DENND1A: variants seen among roughly 807,000 people sequenced by gnomAD.
The protein encoded by DENND1A is DENN domain-containing protein 1A.
Under a neutral mutation model 113.7 loss-of-function variants are expected in DENND1A, and 51 were observed. The ratio of observed to expected loss-of-function variants is 0.45; its 90% CI spans 0.36 to 0.57. DENND1A has a LOEUF of 0.57. Ranked by LOEUF, DENND1A falls within the 20% of genes least tolerant of loss-of-function variation. DENND1A has a pLI of 0.00. For synonymous variants in DENND1A, 565 were observed against 570.8 expected (o/e 0.99, Z 0.14); for missense variants, 1,258 against 1,395.9 (o/e 0.90, Z 1.57).
chr9:123,657,126 A>C (rs181845358), intron 8 of DENND1A, among the ~76,000 whole-genome samples: 1 of 152,334 alleles, frequency 6.6e-6, no homozygotes, highest in Admixed American at 6.5e-5. Flanking sequence ...AGAAGCCTGC[A>C]ACGCACAAGC....
At chr9:123,420,157 A>G (rs1463561721) in intron 19 of DENND1A, among the ~76,000 whole-genome samples, 1 of 152,234 alleles carries the variant, frequency 6.6e-6, no homozygotes, top group Non-Finnish European at 1.5e-5. Flanking sequence ...ACAGGGCAAC[A>G]AGGACCTGTT....
intron 11 of DENND1A, among the ~76,000 whole-genome samples, chr9:123,586,667 G>GA (rs2059179245): frequency 6.6e-6 from 1 of 152,200 alleles, no homozygotes; most frequent in Non-Finnish European, 1.5e-5. Context: ...CCCAAGGAAA[G>GA]AATTGGAGCC....
At chr9:123,487,442 C>T (rs544187619) in intron 13 of DENND1A, among the ~76,000 whole-genome samples, 6 of 152,244 alleles carry the variant, frequency 3.9e-5, no homozygotes, top group South Asian at 4.2e-4. Flanking sequence ...CTTTTAGTTA[C>T]GAGCCAAGGT....
intron 8 of DENND1A, among the ~76,000 whole-genome samples, chr9:123,661,786 TTAATA>T (rs906588003): frequency 2.0e-5 from 3 of 152,242 alleles, no homozygotes; most frequent in African/African-American, 7.2e-5. Context: ...AGTGAAAATA[TTAATA>T]TAATGGCAGA....
intron 2 of DENND1A, among the ~76,000 whole-genome samples, chr9:123,802,275 T>C (rs1218141381): frequency 1.3e-5 from 2 of 152,074 alleles, no homozygotes; most frequent in Non-Finnish European, 2.9e-5. Flanking sequence ...GGCCTGGAGG[T>C]GGGATAGATG....
At chr9:123,472,461 T>G (rs1011124075) in intron 13 of DENND1A, among the ~76,000 whole-genome samples, 3 of 152,166 alleles carry the variant, frequency 2.0e-5, no homozygotes, top group Non-Finnish European at 4.4e-5. Context: ...TGGGGGCATC[T>G]TTCTTGAGAG....
chr9:123,728,105 C>CAAAA (rs1184658717), intron 5 of DENND1A, among the ~76,000 whole-genome samples: 11 of 132,854 alleles, frequency 8.3e-5, no homozygotes, highest in African/African-American at 2.9e-4. Flanking sequence ...GACTCTGTCT[C>CAAAA]AAAAAAAAAA....
At chr9:123,445,744 G>A (rs769726206) in intron 18 of DENND1A, among the ~76,000 whole-genome samples, 8 of 152,206 alleles carry the variant, frequency 5.3e-5, no homozygotes, top group Non-Finnish European at 1.0e-4. Flanking sequence ...ATGGGTGCCT[G>A]TAATCCCAGC....
intron 13 of DENND1A, among the ~76,000 whole-genome samples, chr9:123,479,774 G>A (rs759646341): frequency 6.6e-6 from 1 of 152,224 alleles, no homozygotes. Flanking sequence ...CCCCTACAAG[G>A]ATCAAACGAA....
At chr9:123,552,562 C>CCAGG (rs1443235494) in intron 13 of DENND1A, among the ~76,000 whole-genome samples, 4 of 152,240 alleles carry the variant, frequency 2.6e-5, no homozygotes, top group Non-Finnish European at 4.4e-5. Context: ...GGGCAGTACC[C>CCAGG]CAGGACCCTG....
intron 13 of DENND1A, among the ~76,000 whole-genome samples, chr9:123,497,293 C>G (rs745378948): frequency 1.3e-5 from 2 of 152,182 alleles, no homozygotes; most frequent in Admixed American, 1.3e-4. Context: ...TGACAGAGCA[C>G]GAACAATTGT....
intron 19 of DENND1A, among the ~76,000 whole-genome samples, chr9:123,419,759 T>C (rs1400570660): frequency 6.6e-6 from 1 of 152,198 alleles, no homozygotes; most frequent in South Asian, 2.1e-4. Flanking sequence ...TTTTGTGGAG[T>C]GTCTCCTTTG....
Position 123,422,037 on chromosome 9 carries a change from C to T in DENND1A, c.1489-10208G>A, listed in dbSNP as rs1299686955. ...ATCCCTCACGACTCTGTTCCCTTCC[C>T]CCAGAAGTTCTCTCTCTATTCCTGG... On this transcript the variant is annotated intron_variant, in intron 19 of 23. Coordinates refer to ENST00000394215, the MANE Select transcript of DENND1A (RefSeq NM_001352964.2). The surrounding 1 kb of genome is among the most constrained non-coding windows in gnomAD (Gnocchi z 4.8). Among the ~76,000 whole-genome samples, 2 of 152,192 alleles carry T rather than the reference C, an allele frequency of 1.3e-5. No homozygotes were observed. Among genetic ancestry groups the T allele is most frequent in the Non-Finnish European group, 2.9e-5 (2 of 68,028 alleles).
chr9:123,705,821 T>C (rs1249131095), intron 5 of DENND1A, among the ~76,000 whole-genome samples: 3 of 152,174 alleles, frequency 2.0e-5, no homozygotes, highest in East Asian at 1.9e-4. Flanking sequence ...AAAATTTACA[T>C]GGAAAGGCAC....
chr9:123,537,258 G>T (rs2055855622), intron 13 of DENND1A, among the ~76,000 whole-genome samples: 1 of 151,830 alleles, frequency 6.6e-6, no homozygotes, highest in Non-Finnish European at 1.5e-5. Context: ...AAAAGAACTA[G>T]ATTATTATAT....
chr9:123,762,385 T>C (rs913747802), intron 4 of DENND1A, among the ~76,000 whole-genome samples: 1 of 152,200 alleles, frequency 6.6e-6, no homozygotes, highest in African/African-American at 2.4e-5. Flanking sequence ...TAAACCTTCA[T>C]GCTTCCTTTT....
At position 123,474,419 on chromosome 9, in the gene DENND1A, TTTTTAAGCAAAAAGTTTAAAA is replaced by T. The variant is rs571838272; in HGVS notation, c.994-16543_994-16523del. The stretch of plus-strand genomic sequence containing the variant: ...TGGCAGTTTTTGACTGGGATAAAAA[TTTTTAAGCAAAAAGTTTAAAA>T]TTTTAAGCAAAAATTTTTAAGCAAA... On this transcript the variant is annotated intron_variant, in intron 13 of 23. Coordinates refer to ENST00000394215, the MANE Select transcript of DENND1A (RefSeq NM_001352964.2). Among the ~76,000 whole-genome samples, 1,236 of 152,304 alleles carry T rather than the reference TTTTTAAGCAAAAAGTTTAAAA, an allele frequency of 8.1e-3. 19 individuals are homozygous for T. Among genetic ancestry groups the T allele is most frequent in the African/African-American group, 0.028 (1,148 of 41,556 alleles).
At chr9:123,582,444 G>C (rs2058949797) in intron 12 of DENND1A, among the ~76,000 whole-genome samples, 1 of 150,942 alleles carries the variant, frequency 6.6e-6, no homozygotes, top group African/African-American at 2.4e-5. Flanking sequence ...CTGTCGCCCA[G>C]ACTGGAGTGC....
At chr9:123,673,812 C>T (rs528284701) in intron 6 of DENND1A, among the ~76,000 whole-genome samples, 1 of 152,296 alleles carries the variant, frequency 6.6e-6, no homozygotes, top group South Asian at 2.1e-4. Flanking sequence ...ATATCTGTGA[C>T]TTCATCCTAC....
Sources: allele counts gnomAD v4.1 joint callset (sites outside exome capture counted in the v4.1 genomes callset), GRCh38; gene constraint gnomAD v4.1.1; non-coding constraint Gnocchi (gnomAD v3.1); transcripts MANE v1.5; gene names NCBI Gene and HGNC (gene_info 2026-07-23, HGNC 2026-07-21).